DNM1L: variants seen among roughly 807,000 people sequenced by gnomAD.
DNM1L encodes dynamin 1L, also known as dynamin-1-like protein.
Under a neutral mutation model 92.8 loss-of-function variants are expected in DNM1L, and 33 were observed. The ratio of observed to expected loss-of-function variants is 0.36; its 90% confidence interval spans 0.27 to 0.48. The LOEUF (loss-of-function observed/expected upper bound fraction) is 0.48. Among genes scored for constraint, DNM1L ranks in the 20% least tolerant of loss-of-function variants. DNM1L has a pLI of 0.99. For synonymous variants in DNM1L, 284 were observed against 305.0 expected, an observed-to-expected ratio of 0.93 and a Z score of 0.72; for missense variants, 485 against 888.8, an observed-to-expected ratio of 0.55 and a Z score of 5.78.
Position 32,731,484 on chromosome 12 carries a change from T to A in DNM1L, c.1329T>A (p.Ile443=). 6.2e-7 allele frequency: 1 copy of A among 1,614,138 alleles called. No individual in the cohort carries two copies. The highest frequency in any genetic ancestry group is 1.3e-5 in the African/African-American group (1 of 75,040). ...ELVHEEMQRI[I]QHCSNYSTQE... is the part of the protein sequence containing the mutation. Reference sequence around the variant, plus strand: ...TTCATGAGGAAATGCAAAGGATCATTCAGCACTGTAGCAATTACAGTACAC... The same window carrying A: ...TTCATGAGGAAATGCAAAGGATCATACAGCACTGTAGCAATTACAGTACAC... Residue 443 remains isoleucine, a synonymous_variant, in exon 11 of 20, where the codon ATT becomes ATA. Transcript: ENST00000549701. The surrounding 1 kb of genome is among the most constrained non-coding windows in gnomAD (Gnocchi z 5.1).
At chr12:32,738,107 A>G (rs1955027302) in intron 15 of DNM1L, 157 bp from the exon 16 acceptor site, 1 of 1,059,548 alleles carries the variant, frequency 9.4e-7, no homozygotes, top group Non-Finnish European at 1.4e-6. Flanking sequence ...AATGCAATGC[A>G]TAGTTTATAT....
chr12:32,711,326 T>G (rs373408917), intron 5 of DNM1L: 21 of 313,692 alleles, frequency 6.7e-5, no homozygotes, highest in Non-Finnish European at 1.1e-4. Context: ...AGGTACACTT[T>G]CCCTTTGATG....
intron 4 of DNM1L, among the ~76,000 whole-genome samples, chr12:32,709,058 CAGAA>C (rs567553148): frequency 1.4e-4 from 21 of 152,248 alleles, no homozygotes; most frequent in African/African-American, 4.3e-4. Flanking sequence ...TATTTCCTGA[CAGAA>C]AGGCATTTTT....
intron 1 of DNM1L, among the ~76,000 whole-genome samples, chr12:32,680,947 A>C (rs1286660299): frequency 6.6e-6 from 1 of 152,246 alleles, no homozygotes; most frequent in Non-Finnish European, 1.5e-5. Context: ...AGAGAGTCTC[A>C]GTGCTTTTTA....
At chr12:32,704,491 A>G (rs1229303209) in intron 2 of DNM1L, among the ~76,000 whole-genome samples, 1 of 151,522 alleles carries the variant, frequency 6.6e-6, no homozygotes, top group African/African-American at 2.4e-5. Flanking sequence ...CGGAGGTTGT[A>G]GTGAGCCGAG....
At position 32,745,345 on chromosome 12, in the gene DNM1L, G is replaced by GA. The variant is rs1307559369; in HGVS notation, c.*1939dup. ...TCTCCAGCACATCAGATTTCAAATT[G>GA]AAAATTAAAGACATGCTATGGTAAT... On this transcript the variant is annotated 3_prime_UTR_variant, in exon 20 of 20. Coordinates refer to ENST00000549701, the MANE Select transcript of DNM1L (RefSeq NM_012062.5). 1 of 220,584 alleles carries GA rather than the reference G, an allele frequency of 4.5e-6. No homozygotes were observed. The highest frequency in any genetic ancestry group is 8.9e-6 in the Non-Finnish European group (1 of 112,198). The allele number at this position is 220,584 out of a possible 1,614,324, so 13.7% of individuals were successfully genotyped here.
intron 9 of DNM1L, chr12:32,729,094 C>CTT: frequency 7.1e-6 from 1 of 140,892 alleles, no homozygotes; most frequent in East Asian, 2.2e-4. Context: ...CCCAGTCCCC[C>CTT]TTTTTTTGAG....
In DNM1L at chr12:32,731,234, TG is replaced by T; in HGVS notation, c.1200+101del. On this transcript the variant is annotated intron_variant, in intron 10 of 19. Coordinates refer to ENST00000549701, the MANE Select transcript of DNM1L (RefSeq NM_012062.5). This position sits in a 1 kb window ranked among gnomAD's most constrained non-coding sequence, Gnocchi z 5.1. ...TTAAATTTAATTATACAGTTTATTT[TG>T]CTCTCATATTTGAAATTAAAAAGCA... 6.3e-7 allele frequency: 1 copy of T among 1,590,416 alleles called. No homozygotes were observed. The highest frequency in any genetic ancestry group is 8.6e-7 in the Non-Finnish European group (1 of 1,165,754).
At chr12:32,724,315 C>T (rs566933030) in intron 9 of DNM1L, among the ~76,000 whole-genome samples, 2 of 151,922 alleles carry the variant, frequency 1.3e-5, no homozygotes, top group Non-Finnish European at 2.9e-5. Flanking sequence ...CAGTGGCTCA[C>T]GCCTGTAATC....
At chr12:32,738,194 T>C in intron 15 of DNM1L, 70 bp from the exon 16 acceptor site, 1 of 1,564,150 alleles carries the variant, frequency 6.4e-7, no homozygotes, top group African/African-American at 1.4e-5. Context: ...TCCTGCACTT[T>C]TTGAATTTCA....
intron 19 of DNM1L, 92 bp downstream of exon 19, chr12:32,742,840 T>A: frequency 7.0e-7 from 1 of 1,428,008 alleles, no homozygotes; most frequent in Non-Finnish European, 9.8e-7. Flanking sequence ...ATATGTATAG[T>A]CTTTATATTC....
At chr12:32,703,373 T>C (rs1952791100) in intron 2 of DNM1L, among the ~76,000 whole-genome samples, 3 of 152,070 alleles carry the variant, frequency 2.0e-5, no homozygotes, top group Non-Finnish European at 4.4e-5. Context: ...CCAAACACAA[T>C]ATAGATTATA....
At chr12:32,742,847 AT>A (rs1565548398) in intron 19 of DNM1L, 99 bp downstream of exon 19, 1 of 976,658 alleles carries the variant, frequency 1.0e-6, no homozygotes, top group Non-Finnish European at 1.6e-6. Context: ...TAGTCTTTAT[AT>A]TCTAGCTAGG....
In DNM1L at chr12:32,737,683, C is replaced by T. The variant is rs563626311; in HGVS notation, c.1597-182C>T. On this transcript the variant is annotated intron_variant, in intron 14 of 19. Coordinates refer to ENST00000549701, the MANE Select transcript of DNM1L (RefSeq NM_012062.5). The stretch of plus-strand genomic sequence containing the variant: ...TTCTTATGTATTCATCTGAAGGAAA[C>T]TTTTAACAAAGGTGACAATGGTGAA... 2,775 of 587,900 alleles carry T rather than the reference C, an allele frequency of 4.7e-3. 15 individuals are homozygous for T. The highest frequency in any genetic ancestry group is 5.4e-3 in the Non-Finnish European group (1,788 of 330,822). 36.4% of individuals were successfully genotyped at this position (587,900 alleles called of 1,614,324 possible).
At position 32,701,432 on chromosome 12, in the gene DNM1L, A is replaced by C. The variant is rs10844308; in HGVS notation, c.120A>C (p.Ser40=). 217,548 of 1,613,402 alleles carry C rather than the reference A, an allele frequency of 0.13. 15,166 individuals carry two copies. Among genetic ancestry groups the C allele is most frequent in the Middle Eastern group, 0.18 (1,093 of 6,060 alleles). ...VVGTQSSGKS[S]VLESLVGRDL... ...GTTTTCAGAGCAGCGGAAAGAGCTC[A>C]GTGCTAGAAAGCCTGGTGGGGAGGG... The change falls in exon 2 of 20, where the codon TCA becomes TCC. Residue 40 remains serine (S), a synonymous_variant. Coordinates refer to ENST00000549701, the MANE Select transcript of DNM1L (RefSeq NM_012062.5).
intron 6 of DNM1L, among the ~76,000 whole-genome samples, chr12:32,718,043 AC>A (rs1366835780): frequency 2.0e-4 from 26 of 129,476 alleles, no homozygotes; most frequent in Middle Eastern, 3.9e-3. Context: ...TACTATACAT[AC>A]TATATATACT....
At chr12:32,742,997 G>A (rs1955421225) in intron 19 of DNM1L, among the ~76,000 whole-genome samples, 2 of 142,010 alleles carry the variant, frequency 1.4e-5, no homozygotes, top group Admixed American at 1.5e-4. Context: ...CCAGGTTCAC[G>A]CCATTCTCCT....
At chr12:32,734,838 C>T (rs1954768209) in intron 13 of DNM1L, among the ~76,000 whole-genome samples, 1 of 152,128 alleles carries the variant, frequency 6.6e-6, no homozygotes, top group Non-Finnish European at 1.5e-5. Flanking sequence ...TTGAGGCTTA[C>T]AGATAGCAGT....
At chr12:32,681,630 G>T (rs1565966105) in intron 1 of DNM1L, among the ~76,000 whole-genome samples, 3 of 136,498 alleles carry the variant, frequency 2.2e-5, no homozygotes, top group Non-Finnish European at 3.1e-5. Context: ...TAGTGTGTTG[G>T]GGAAACAAGA....
Sources: gnomAD v4.1 joint callset for allele counts (sites outside exome capture counted in the v4.1 genomes callset) on GRCh38, gnomAD v4.1.1 for gene constraint, Gnocchi (gnomAD v3.1) non-coding constraint, MANE v1.5 for transcripts, NCBI Gene and HGNC (gene_info 2026-07-23, HGNC 2026-07-21) for gene names.